Variants in UBAP2L observed in about 807,000 individuals in gnomAD.
The protein encoded by UBAP2L is ubiquitin-associated protein 2-like.
Under a neutral mutation model 130.6 loss-of-function variants are expected in UBAP2L, and 12 were observed. The ratio of observed to expected loss-of-function variants is 0.09; its 90% CI spans 0.06 to 0.15. UBAP2L has a LOEUF of 0.15. Among genes scored for constraint, UBAP2L ranks in the 10% least tolerant of loss-of-function variants. The probability of loss-of-function intolerance (pLI) is 1.00; values close to 1 mark genes in which losing one functional copy is unlikely to be tolerated. For synonymous variants in UBAP2L, 503 were observed against 524.7 expected (o/e 0.96, Z 0.57); for missense variants, 965 against 1,332.5 (o/e 0.72, Z 4.29).
intron 5 of UBAP2L, 84 bp from the exon 6 acceptor site, chr1:154,235,112 A>G (rs1251160980): frequency 4.4e-6 from 3 of 686,968 alleles, no homozygotes; most frequent in Non-Finnish European, 7.9e-6. Context: ...ATATATTTGT[A>G]TATATCCTGT....
chr1:154,254,002 CCCTCTT>C lies in UBAP2L; in HGVS notation c.1768_1773del (p.Pro590_Leu591del). On this transcript the variant is annotated inframe_deletion, in exon 15 of 27. Transcript: ENST00000428931. ...ATACCTCCCAAAATAATGCTCAGGG[CCCTCTT>C]TATGAACAGAGATCCACACAGACTC... The C allele has an allele frequency of 6.2e-7, 1 of 1,603,672 alleles. No homozygotes were observed. Among genetic ancestry groups the C allele is most frequent in the Non-Finnish European group, 8.5e-7 (1 of 1,175,322 alleles).
In UBAP2L at chr1:154,228,603, T is replaced by A; in HGVS notation, c.169-12T>A. On this transcript the variant is annotated splice_polypyrimidine_tract_variant and intron_variant, in intron 3 of 26. Coordinates refer to ENST00000428931, the MANE Select transcript of UBAP2L (RefSeq NM_014847.4). ...AGCCTGTTCATGATGGTTGCTGTTT[T>A]TTCTCTTTCAGTTGATTGATATTAC... 6.2e-7 allele frequency: 1 copy of A among 1,607,978 alleles called. No homozygotes were observed. The highest frequency in any genetic ancestry group is 8.5e-7 in the Non-Finnish European group (1 of 1,174,826).
chr1:154,224,335 A>G (rs1667275976), intron 1 of UBAP2L, among the ~76,000 whole-genome samples: 2 of 152,194 alleles, frequency 1.3e-5, no homozygotes, highest in Admixed American at 6.5e-5. Flanking sequence ...GGTAATTGCC[A>G]TTTTGGTTTC....
intron 25 of UBAP2L, 32 bp from the exon 26 acceptor site, chr1:154,268,725 T>G (rs1375326629): frequency 1.2e-6 from 2 of 1,611,660 alleles, no homozygotes; most frequent in South Asian, 2.2e-5. Context: ...GCTGATCCCT[T>G]TTACTCTGTC....
Position 154,257,054 on chromosome 1 carries a change from C to T in UBAP2L, c.2158-9C>T, listed in dbSNP as rs1287644479. 2.5e-6 allele frequency: 4 copies of T among 1,610,880 alleles called. No individual in the cohort carries two copies. The highest frequency in any genetic ancestry group is 2.5e-6 in the Non-Finnish European group (3 of 1,178,766). On this transcript the variant is annotated splice_polypyrimidine_tract_variant and intron_variant, in intron 18 of 26. Coordinates refer to ENST00000428931, the MANE Select transcript of UBAP2L (RefSeq NM_014847.4). ...CTTCTTCTCTCTTCCACTGCTCCCC[C>T]TTTTGAAGCACACAAGTGTGGAGAG...
chr1:154,243,369 T>C lies in UBAP2L; in HGVS notation c.842+67T>C, dbSNP rs531514839. ...CTGCTGAGATTACTGTAAAGAGAAG[T>C]GGCACTGGCCTTTGTAAACTCCCAT... On this transcript the variant is annotated intron_variant, in intron 10 of 26. Transcript: ENST00000428931. 149 of 1,452,438 alleles carry C rather than the reference T, an allele frequency of 1.0e-4. No homozygotes were observed. The African/African-American group carries it at 1.8e-3, about 18-fold the overall frequency. The allele number at this position is 1,452,438 out of a possible 1,614,324, so 90.0% of individuals were successfully genotyped here.
intron 24 of UBAP2L, chr1:154,263,489 G>GT: frequency 1.8e-6 from 2 of 1,089,990 alleles, no homozygotes; most frequent in Non-Finnish European, 2.2e-6. Flanking sequence ...ATAAACTGTG[G>GT]TATTTCTTTA....
intron 25 of UBAP2L, among the ~76,000 whole-genome samples, chr1:154,267,917 T>G (rs1395858263): frequency 6.4e-4 from 83 of 129,006 alleles, no homozygotes; most frequent in African/African-American, 1.8e-3. Context: ...GAGACGGAGT[T>G]TCATTCTTGT....
chr1:154,270,356 G>A lies in UBAP2L; in HGVS notation c.*61G>A. 1 of 1,609,918 alleles carries A rather than the reference G, an allele frequency of 6.2e-7. No homozygotes were observed. The highest frequency in any genetic ancestry group is 1.1e-5 in the South Asian group (1 of 90,712). On this transcript the variant is annotated 3_prime_UTR_variant, in exon 27 of 27. Coordinates refer to ENST00000428931, the MANE Select transcript of UBAP2L (RefSeq NM_014847.4). ...GAGGGCTTCTCAGCCTGGAAACTATGGAAACAGCATCAAAGAGAAAGGAAT... is the reference window on the plus strand; with the variant it reads ...GAGGGCTTCTCAGCCTGGAAACTATAGAAACAGCATCAAAGAGAAAGGAAT...
rs892107759 is a variant in UBAP2L, at chr1:154,236,606, A to C, written c.585A>C (p.Gly195=). ...GRRGGRFSAQ[G]MGTFNPADYA... Reference sequence around the variant, plus strand: ...GAGGAGGAAGGTTTTCTGCTCAAGGAATGGGGTAAGTTTCATTGATCTAGT... The same window carrying C: ...GAGGAGGAAGGTTTTCTGCTCAAGGCATGGGGTAAGTTTCATTGATCTAGT... The change falls in exon 7 of 27, where the codon GGA becomes GGC. Residue 195 remains glycine, a synonymous_variant. Coordinates refer to ENST00000428931, the MANE Select transcript of UBAP2L (RefSeq NM_014847.4). 1.2e-6 allele frequency: 2 copies of C among 1,613,914 alleles called. No homozygotes were observed. Among genetic ancestry groups the C allele is most frequent in the Non-Finnish European group, 1.7e-6 (2 of 1,179,976 alleles).
At chr1:154,259,124 C>G in intron 21 of UBAP2L, 94 bp downstream of exon 21, 1 of 1,136,216 alleles carries the variant, frequency 8.8e-7, no homozygotes, top group Non-Finnish European at 1.3e-6. Context: ...CTTTCCCATC[C>G]CAGCCCTCCA....
chr1:154,267,486 G>T (rs1683622610), intron 25 of UBAP2L, among the ~76,000 whole-genome samples: 1 of 149,152 alleles, frequency 6.7e-6, no homozygotes, highest in Admixed American at 6.7e-5. Context: ...ATTGGAAGGG[G>T]TAGGGACACT....
At chr1:154,246,397 T>C in intron 11 of UBAP2L, 22 bp downstream of exon 11, 1 of 1,599,674 alleles carries the variant, frequency 6.3e-7, no homozygotes, top group Non-Finnish European at 8.5e-7. Context: ...ACGTGGTTTA[T>C]CCTAATCAAA....
At chr1:154,271,033 T>G, downstream of UBAP2L, 1 of 1,302,744 alleles carries the variant, frequency 7.7e-7, no homozygotes. Flanking sequence ...TATCTTGTCC[T>G]TGAGGGGATT....
intron 18 of UBAP2L, 70 bp downstream of exon 18, chr1:154,255,825 AAG>A: frequency 6.4e-7 from 1 of 1,561,808 alleles, no homozygotes; most frequent in Non-Finnish European, 8.8e-7. Flanking sequence ...AGATTGTCCC[AAG>A]AGAGAATTAT....
chr1:154,267,880 C>CTTTTTTTTTTTTTTTTTTTTTTTTTTTTT lies in UBAP2L; in HGVS notation c.2971-851_2971-850insTTTTTTTTTTTTTTTTTTTTTTTTTTTTT, dbSNP rs869153080. On this transcript the variant is annotated intron_variant, in intron 25 of 26. Transcript: ENST00000428931. ...TCCACATTCCATCCTCTTATTTGGT[C>CTTTTTTTTTTTTTTTTTTTTTTTTTTTTT]TTTTTTTTTTTTTTTTTTTTTTTTT... is the stretch of plus-strand genomic sequence containing the variant. Among the ~76,000 whole-genome samples, 7 of 52,056 alleles carry CTTTTTTTTTTTTTTTTTTTTTTTTTTTTT rather than the reference C, an allele frequency of 1.3e-4. 1 individual carries two copies. The highest frequency in any genetic ancestry group is 2.2e-4 in the Non-Finnish European group (6 of 27,632). 34.2% of individuals were successfully genotyped at this position (52,056 alleles called of 152,430 possible).
chr1:154,256,219 G>A (rs1050538643), intron 18 of UBAP2L, among the ~76,000 whole-genome samples: 2 of 152,206 alleles, frequency 1.3e-5, no homozygotes, highest in Non-Finnish European at 2.9e-5. Context: ...ATAGAATTAA[G>A]CTGAGCCTGT....
At position 154,225,115 on chromosome 1, in the gene UBAP2L, A is replaced by G. The variant is rs1558111262; in HGVS notation, c.-9A>G. ...ACCTTGTAAATACTGTTATTTGTAT[A>G]TACTGTAAATGATGACATCGGTGGG... On this transcript the variant is annotated 5_prime_UTR_variant, in exon 2 of 27. In the 5' UTR this introduces an upstream ATG that the reference lacks. Transcript: ENST00000428931. 2 of 1,613,874 alleles carry G rather than the reference A, an allele frequency of 1.2e-6. No individual in the cohort carries two copies. Among genetic ancestry groups the G allele is most frequent in the Non-Finnish European group, 8.5e-7 (1 of 1,179,812 alleles).
Position 154,222,684 on chromosome 1 carries a change from T to G in UBAP2L, c.-41+1709T>G, listed in dbSNP as rs1263613048. Among the ~76,000 whole-genome samples, 6 of 152,316 alleles carry G rather than the reference T, an allele frequency of 3.9e-5. No individual in the cohort carries two copies. The East Asian group carries it at 1.2e-3, about 29-fold the overall frequency. ...AGGTAGCAAATTTTACCCAACTCAGTCTAGCTTCAGTTTCTGAATTGTTTC... is the reference window on the plus strand; with the variant it reads ...AGGTAGCAAATTTTACCCAACTCAGGCTAGCTTCAGTTTCTGAATTGTTTC... On this transcript the variant is annotated intron_variant, in intron 1 of 26. Coordinates refer to ENST00000428931, the MANE Select transcript of UBAP2L (RefSeq NM_014847.4).
Sources: gnomAD v4.1 joint callset for allele counts (sites outside exome capture counted in the v4.1 genomes callset) on GRCh38, gnomAD v4.1.1 for gene constraint, MANE v1.5 for transcripts, NCBI Gene and HGNC (gene_info 2026-07-23, HGNC 2026-07-21) for gene names.